Variants in ZC3H12B observed in about 807,000 individuals in gnomAD.
The protein encoded by ZC3H12B is zinc finger CCCH-type containing 12B.
A neutral mutation model predicts 43.9 loss-of-function variants in ZC3H12B; 7 were observed. The ratio of observed to expected loss-of-function variants is 0.16; its 90% CI spans 0.09 to 0.30. The LOEUF (loss-of-function observed/expected upper bound fraction) is 0.30, where lower values mean the gene tolerates loss of function less well. ZC3H12B is among the 10% of genes least tolerant of loss of function. The pLI is 1.00. For synonymous variants in ZC3H12B, 222 were observed against 241.7 expected, an observed-to-expected ratio of 0.92 and a Z score of 0.76; for missense variants, 475 against 670.2, an observed-to-expected ratio of 0.71 and a Z score of 3.22.
upstream of ZC3H12B, among the ~76,000 whole-genome samples, chrX:65,486,299 G>A (rs1331949269): frequency 8.9e-6 from 1 of 112,120 alleles, no homozygotes; most frequent in East Asian, 2.8e-4. Context: ...ATCTTCTATA[G>A]AAGTGCATTT....
chrX:65,147,935 T>G, the ZC3H12B span, among the ~76,000 whole-genome samples: 1 of 109,617 alleles, frequency 9.1e-6, no homozygotes. Context: ...GTTGGGTATG[T>G]GAGTACTTCC....
chrX:65,071,066 C>A, the ZC3H12B span, among the ~76,000 whole-genome samples: 527 of 107,842 alleles, frequency 4.9e-3, 5 homozygotes, highest in African/African-American at 0.017. Context: ...AAGTGTCGCA[C>A]TATTATTGTG....
chrX:65,187,737 A>G, the ZC3H12B span, among the ~76,000 whole-genome samples: 1 of 109,374 alleles, frequency 9.1e-6, no homozygotes, highest in Non-Finnish European at 1.9e-5. Context: ...ACAGGTATAC[A>G]ATGCATAATA....
the ZC3H12B span, among the ~76,000 whole-genome samples, chrX:65,172,700 G>T: frequency 8.9e-6 from 1 of 112,038 alleles, no homozygotes; most frequent in Admixed American, 9.5e-5. Flanking sequence ...TACATTGTTT[G>T]TTTCTGTCAG....
the ZC3H12B span, among the ~76,000 whole-genome samples, chrX:65,259,621 G>A: frequency 8.9e-6 from 1 of 112,026 alleles, no homozygotes; most frequent in African/African-American, 3.2e-5. Context: ...CACTGTTGAT[G>A]GGAATGTAAA....
At chrX:65,163,065 G>C in the ZC3H12B span, among the ~76,000 whole-genome samples, 1 of 111,634 alleles carries the variant, frequency 9.0e-6, no homozygotes, top group Admixed American at 9.5e-5. Flanking sequence ...GTCAGCAGTG[G>C]TGGCTGCAGA....
At chrX:65,166,692 C>A in the ZC3H12B span, among the ~76,000 whole-genome samples, 1 of 111,730 alleles carries the variant, frequency 9.0e-6, no homozygotes, top group South Asian at 3.7e-4. Flanking sequence ...TTCTCCACAT[C>A]CTCTCCTGCA....
the ZC3H12B span, among the ~76,000 whole-genome samples, chrX:65,120,030 T>C: frequency 8.9e-6 from 1 of 112,148 alleles, no homozygotes; most frequent in Non-Finnish European, 1.9e-5. Context: ...ACCAGTACCA[T>C]GCTGTTTTGG....
the ZC3H12B span, among the ~76,000 whole-genome samples, chrX:65,129,101 CTT>C: frequency 9.1e-6 from 1 of 109,696 alleles, no homozygotes; most frequent in Non-Finnish European, 1.9e-5. Context: ...TCAGAATATT[CTT>C]TGTTTCTTTT....
chrX:65,066,839 C>T, the ZC3H12B span, among the ~76,000 whole-genome samples: 8 of 111,827 alleles, frequency 7.2e-5, no homozygotes, highest in South Asian at 3.7e-4. Context: ...TGACTTGCCC[C>T]GTGTGTAGGA....
intron 2 of ZC3H12B, among the ~76,000 whole-genome samples, chrX:65,387,794 A>T (rs1408071964): frequency 3.6e-5 from 4 of 112,069 alleles, no homozygotes; most frequent in Non-Finnish European, 3.8e-5. Context: ...GTTCCTTTTC[A>T]TGTTTATTGC....
the ZC3H12B span, among the ~76,000 whole-genome samples, chrX:65,337,285 G>T: frequency 8.9e-6 from 1 of 111,929 alleles, no homozygotes; most frequent in African/African-American, 3.2e-5. Flanking sequence ...CCAGAATGGA[G>T]TCCCAATCTA....
intron 3 of ZC3H12B, among the ~76,000 whole-genome samples, chrX:65,474,896 C>A (rs1345785624): frequency 2.7e-5 from 3 of 112,605 alleles, no homozygotes; most frequent in African/African-American, 9.7e-5. Flanking sequence ...CATAAGCCAC[C>A]ACACCCAGCC....
At chrX:65,100,599 G>C in the ZC3H12B span, among the ~76,000 whole-genome samples, 5 of 81,657 alleles carry the variant, frequency 6.1e-5, no homozygotes, top group Non-Finnish European at 8.4e-5. Flanking sequence ...AAAAAACAGG[G>C]GTTACAATCT....
intron 3 of ZC3H12B, among the ~76,000 whole-genome samples, chrX:65,415,630 C>G (rs2066951358): frequency 9.0e-6 from 1 of 111,677 alleles, no homozygotes; most frequent in Admixed American, 9.5e-5. Context: ...CCCTGACTTC[C>G]CATCATGGCC....
At chrX:65,413,639 A>T (rs2066928948) in intron 3 of ZC3H12B, among the ~76,000 whole-genome samples, 1 of 112,363 alleles carries the variant, frequency 8.9e-6, no homozygotes, top group Admixed American at 9.4e-5. Flanking sequence ...ATTGGTCTAT[A>T]TGCTTAGTTT....
chrX:65,331,067 G>A, the ZC3H12B span: 2 of 319,581 alleles, frequency 6.3e-6, no homozygotes, highest in East Asian at 1.7e-4. Context: ...TCTCTGGAAT[G>A]ATTCAACCCT....
chrX:65,131,555 G>A, the ZC3H12B span, among the ~76,000 whole-genome samples: 1 of 111,470 alleles, frequency 9.0e-6, no homozygotes, highest in Non-Finnish European at 1.9e-5. Flanking sequence ...TTACAGAACA[G>A]AAAGAGGAGT....
the ZC3H12B span, among the ~76,000 whole-genome samples, chrX:65,118,907 T>C: frequency 1.9e-5 from 2 of 107,429 alleles, no homozygotes; most frequent in East Asian, 6.0e-4. Context: ...GTGTTTGGTT[T>C]TCTGTCCTTG....
Sources: gnomAD v4.1 joint callset for allele counts (sites outside exome capture counted in the v4.1 genomes callset) on GRCh38, gnomAD v4.1.1 for gene constraint, MANE v1.5 for transcripts, NCBI Gene and HGNC (gene_info 2026-07-23, HGNC 2026-07-21) for gene names.